The following MYT1L variants were observed in gnomAD, a reference collection of about 807,000 sequenced individuals.
MYT1L encodes the protein myelin transcription factor 1-like protein.
MYT1L carries 12 observed loss-of-function variants against 126.7 expected under a neutral mutation model. The observed-to-expected ratio is 0.09, with a 90% CI of 0.06 to 0.15. The LOEUF is 0.15. MYT1L is among the 10% of genes least tolerant of loss of function. The probability of loss-of-function intolerance (pLI) is 1.00; values close to 1 mark genes in which losing one functional copy is unlikely to be tolerated. For synonymous variants in MYT1L, 541 were observed against 604.2 expected (o/e 0.90, Z 1.53); for missense variants, 979 against 1,585.2 (o/e 0.62, Z 6.49).
intron 18 of MYT1L, among the ~76,000 whole-genome samples, chr2:1,859,587 A>T (rs150807566): frequency 6.6e-6 from 1 of 152,342 alleles, no homozygotes; most frequent in African/African-American, 2.4e-5. Context: ...AAGCATTATT[A>T]GTTGTATGAT....
rs188282420 is a variant in MYT1L at position 2,299,076 on chromosome 2, T to A, written c.-520-14573A>T. Among the ~76,000 whole-genome samples the A allele has an allele frequency of 9.9e-5, 15 of 152,238 alleles. No individual in the cohort carries two copies. In the East Asian group the frequency reaches 2.9e-3, roughly 30 times the overall value. On this transcript the variant is annotated intron_variant, in intron 1 of 24. Transcript: ENST00000647738. ...ACCATGTTAGCCAGGATGGTCTCGA[T>A]CTCCTGACCTGGTGATCCATCCGCC... is the stretch of plus-strand genomic sequence containing the variant.
At chr2:1,882,296 C>G (rs2047664855) in intron 18 of MYT1L, among the ~76,000 whole-genome samples, 2 of 152,116 alleles carry the variant, frequency 1.3e-5, no homozygotes, top group South Asian at 4.2e-4. Context: ...AAACCCCAGG[C>G]CATCACCTCT....
At chr2:1,869,451 G>GC (rs1558220507) in intron 18 of MYT1L, among the ~76,000 whole-genome samples, 1 of 152,252 alleles carries the variant, frequency 6.6e-6, no homozygotes, top group Non-Finnish European at 1.5e-5. Flanking sequence ...GCCGGTGCAC[G>GC]CATGTGCGTG....
chr2:1,794,695 A>G (rs1340943682), intron 23 of MYT1L, among the ~76,000 whole-genome samples: 1 of 152,188 alleles, frequency 6.6e-6, no homozygotes, highest in Non-Finnish European at 1.5e-5. Flanking sequence ...TCCTATGTTC[A>G]GGAATCTCTG....
chr2:2,234,304 A>C (rs557292558), intron 2 of MYT1L, among the ~76,000 whole-genome samples: 1 of 152,208 alleles, frequency 6.6e-6, no homozygotes, highest in Non-Finnish European at 1.5e-5. Context: ...TGCTCTGAAG[A>C]TCATAAAAAA....
chr2:1,858,737 T>C (rs2044217308), intron 18 of MYT1L, among the ~76,000 whole-genome samples: 1 of 152,200 alleles, frequency 6.6e-6, no homozygotes, highest in Non-Finnish European at 1.5e-5. Context: ...AGACATTCAG[T>C]GATTTTGTCT....
chr2:2,050,567 C>G (rs185417623), intron 4 of MYT1L, among the ~76,000 whole-genome samples: 2 of 152,078 alleles, frequency 1.3e-5, no homozygotes, highest in East Asian at 1.9e-4. Context: ...TTGGGACACA[C>G]GAGGACAGAA....
intron 3 of MYT1L, among the ~76,000 whole-genome samples, chr2:2,064,235 G>A (rs1307586911): frequency 1.3e-5 from 2 of 152,202 alleles, no homozygotes; most frequent in South Asian, 2.1e-4. Context: ...GGGCAAACAC[G>A]AGGTCAGTGC....
At chr2:1,959,211 A>C (rs999255353) in intron 8 of MYT1L, among the ~76,000 whole-genome samples, 1 of 152,218 alleles carries the variant, frequency 6.6e-6, no homozygotes, top group East Asian at 1.9e-4. Context: ...TTGAGAAGCC[A>C]TGCGGATCTG....
chr2:1,966,760 G>A (rs2059393806), intron 8 of MYT1L, among the ~76,000 whole-genome samples: 1 of 145,930 alleles, frequency 6.9e-6, no homozygotes, highest in South Asian at 2.2e-4. Context: ...ACAAGCTCAT[G>A]TTATAATGTT....
intron 9 of MYT1L, among the ~76,000 whole-genome samples, chr2:1,933,783 G>A (rs757278909): frequency 1.3e-5 from 2 of 152,142 alleles, no homozygotes; most frequent in South Asian, 2.1e-4. Flanking sequence ...GCCTAGCACA[G>A]TGCCATGAGC....
chr2:2,312,512 C>T (rs754384376), intron 1 of MYT1L, among the ~76,000 whole-genome samples: 4 of 151,974 alleles, frequency 2.6e-5, no homozygotes, highest in Non-Finnish European at 5.9e-5. Flanking sequence ...ACTCAGGAGG[C>T]TGAGGTGGGA....
At chr2:2,242,309 A>G (rs115641655) in intron 2 of MYT1L, among the ~76,000 whole-genome samples, 2,659 of 152,316 alleles carry the variant, frequency 0.017, 52 homozygotes, top group South Asian at 0.11. Context: ...GAGGAAAACA[A>G]ACATGTGACT....
At chr2:1,841,689 G>A (rs4464304) in intron 19 of MYT1L, 65,654 of 151,742 alleles carry the variant, frequency 0.43, 15,062 homozygotes, top group East Asian at 0.67. Flanking sequence ...GGGAGCGAGC[G>A]CACACGGATG....
At chr2:1,873,932 G>C (rs2046552177) in intron 18 of MYT1L, among the ~76,000 whole-genome samples, 1 of 152,110 alleles carries the variant, frequency 6.6e-6, no homozygotes, top group South Asian at 2.1e-4. Flanking sequence ...GATGGAGAGG[G>C]GTGGAGAGGG....
chr2:1,882,905 T>C (rs573865309), intron 18 of MYT1L, among the ~76,000 whole-genome samples: 32 of 152,318 alleles, frequency 2.1e-4, no homozygotes, highest in African/African-American at 7.5e-4. Flanking sequence ...TGATTTATGA[T>C]GTATTTTAAA....
intron 8 of MYT1L, among the ~76,000 whole-genome samples, chr2:1,955,641 A>G (rs2058277514): frequency 6.6e-6 from 1 of 152,238 alleles, no homozygotes; most frequent in Non-Finnish European, 1.5e-5. Flanking sequence ...CTTGGTTATT[A>G]TAAAGAGGAT....
intron 2 of MYT1L, among the ~76,000 whole-genome samples, chr2:2,276,837 C>T (rs779645936): frequency 2.6e-5 from 4 of 152,184 alleles, no homozygotes; most frequent in Non-Finnish European, 5.9e-5. Context: ...TGTTACTCCA[C>T]ACCCCCCTGG....
intron 4 of MYT1L, among the ~76,000 whole-genome samples, chr2:2,004,167 T>C (rs1211379875): frequency 2.7e-5 from 4 of 150,650 alleles, no homozygotes; most frequent in Admixed American, 1.3e-4. Context: ...GTGTGCCTTC[T>C]TTCCTGCGTG....
Sources: gnomAD v4.1 joint callset for allele counts (sites outside exome capture counted in the v4.1 genomes callset) on GRCh38, gnomAD v4.1.1 for gene constraint, MANE v1.5 for transcripts, NCBI Gene and HGNC (gene_info 2026-07-23, HGNC 2026-07-21) for gene names.